ACVR1C: variants seen among roughly 807,000 people sequenced by gnomAD.
ACVR1C encodes activin receptor type-1C.
Under a neutral mutation model 57.9 loss-of-function variants are expected in ACVR1C, and 23 were observed. The observed-to-expected ratio is 0.40, with a 90% confidence interval of 0.29 to 0.56. The LOEUF is 0.56. Ranked by LOEUF, ACVR1C falls within the 20% of genes least tolerant of loss-of-function variation. ACVR1C has a pLI of 0.50. For missense variants in ACVR1C, 480 were observed against 607.9 expected, an observed-to-expected ratio of 0.79 and a Z score of 2.21; for synonymous variants, 214 against 215.3, an observed-to-expected ratio of 0.99 and a Z score of 0.05.
chr2:157,544,639 T>C, intron 4 of ACVR1C, 27 bp from the exon 5 acceptor site: 1 of 1,576,750 alleles, frequency 6.3e-7, no homozygotes, highest in Non-Finnish European at 8.7e-7. Flanking sequence ...ATTTTGTTGT[T>C]GTAAATACAT....
intron 1 of ACVR1C, among the ~76,000 whole-genome samples, chr2:157,602,503 GT>G (rs1558993798): frequency 6.6e-6 from 1 of 152,040 alleles, no homozygotes; most frequent in African/African-American, 2.4e-5. Flanking sequence ...AATCTGAAAC[GT>G]TTATCTCAAG....
intron 2 of ACVR1C, among the ~76,000 whole-genome samples, chr2:157,566,645 T>G (rs1353827228): frequency 6.6e-6 from 1 of 151,776 alleles, no homozygotes; most frequent in Non-Finnish European, 1.5e-5. Context: ...ATATTGCGCT[T>G]TTCAGACCGG....
chr2:157,568,692 G>A (rs1274578998), intron 2 of ACVR1C, among the ~76,000 whole-genome samples: 1 of 41,752 alleles, frequency 2.4e-5, no homozygotes, highest in East Asian at 6.0e-4. Flanking sequence ...CCCAATACAG[G>A]AGCACCCAGA....
chr2:157,596,737 T>C (rs1041325337), intron 1 of ACVR1C, among the ~76,000 whole-genome samples: 3 of 152,234 alleles, frequency 2.0e-5, no homozygotes, highest in Non-Finnish European at 4.4e-5. Flanking sequence ...CAGTAGTAAA[T>C]GAATTACTTT....
At chr2:157,567,305 G>A (rs1285894140) in intron 2 of ACVR1C, among the ~76,000 whole-genome samples, 2 of 107,032 alleles carry the variant, frequency 1.9e-5, no homozygotes, top group East Asian at 4.5e-4. Flanking sequence ...AAAACACCGA[G>A]CACCTCTCCT....
intron 1 of ACVR1C, among the ~76,000 whole-genome samples, chr2:157,616,262 A>T (rs1682647896): frequency 6.6e-6 from 1 of 152,154 alleles, no homozygotes; most frequent in African/African-American, 2.4e-5. Flanking sequence ...GGCTTTAAAC[A>T]AGTATAAGTA....
rs1687255167 is a variant in ACVR1C at position 157,527,482 on chromosome 2, A to C, written c.*6436T>G. 2 of 152,208 alleles carry C rather than the reference A, an allele frequency of 1.3e-5. No individual in the cohort carries two copies. The highest frequency in any genetic ancestry group is 4.8e-5 in the African/African-American group (2 of 41,460). 9.4% of individuals were successfully genotyped at this position (152,208 alleles called of 1,614,324 possible). ...TCTTAGGTATAAGAAGAGTCACGCT[A>C]CCAAAAGAAAAGTATAATTAGTATT... On this transcript the variant is annotated 3_prime_UTR_variant, in exon 9 of 9. Transcript: ENST00000243349.
chr2:157,553,033 C>A (rs1687957782), intron 3 of ACVR1C, among the ~76,000 whole-genome samples: 1 of 152,194 alleles, frequency 6.6e-6, no homozygotes, highest in South Asian at 2.1e-4. Flanking sequence ...GTCCATTTTC[C>A]CCTCTTGCAG....
chr2:157,544,484 C>A lies in ACVR1C; in HGVS notation c.904G>T (p.Gly302Cys). 1 of 1,613,552 alleles carries A rather than the reference C, an allele frequency of 6.2e-7. No individual in the cohort carries two copies. The highest frequency in any genetic ancestry group is 8.5e-7 in the Non-Finnish European group (1 of 1,179,776). Residue 302 changes from glycine (G) to cysteine (C), a missense_variant, in exon 5 of 9, where the codon GGT becomes TGT. Coordinates refer to ENST00000243349, the MANE Select transcript of ACVR1C (RefSeq NM_145259.3). ...MIKLALSIAS[G>C]LAHLHMEIVG... Reference sequence around the variant, plus strand: ...ATCTCCATATGAAGGTGTGCCAGACCACTAGCAATTGAGAGCGCCAGCTTG... The same window carrying A: ...ATCTCCATATGAAGGTGTGCCAGACAACTAGCAATTGAGAGCGCCAGCTTG...
intron 2 of ACVR1C, among the ~76,000 whole-genome samples, chr2:157,572,302 C>T (rs1688530347): frequency 7.0e-6 from 1 of 142,054 alleles, no homozygotes; most frequent in East Asian, 2.0e-4. Context: ...ACCAGCATGG[C>T]ACATGTATAC....
chr2:157,566,667 G>A (rs1688391662), intron 2 of ACVR1C, among the ~76,000 whole-genome samples: 1 of 151,686 alleles, frequency 6.6e-6, no homozygotes, highest in Non-Finnish European at 1.5e-5. Flanking sequence ...TTAAGAAACG[G>A]CGCACCACGA....
chr2:157,562,291 C>T (rs6722980), intron 2 of ACVR1C, among the ~76,000 whole-genome samples: 45,357 of 135,392 alleles, frequency 0.34, 7,853 homozygotes, highest in Non-Finnish European at 0.41. Context: ...AAGACACCGT[C>T]TCAAAAAAAA....
chr2:157,578,221 G>A (rs897728531), intron 2 of ACVR1C, among the ~76,000 whole-genome samples: 1 of 152,056 alleles, frequency 6.6e-6, no homozygotes, highest in Admixed American at 6.6e-5. Flanking sequence ...ACATTTTTTG[G>A]ATTTGTTTTT....
chr2:157,597,677 C>G (rs957247633), intron 1 of ACVR1C: 22 of 546,440 alleles, frequency 4.0e-5, no homozygotes, highest in Non-Finnish European at 4.9e-5. Flanking sequence ...TAGCATTTCT[C>G]AAGCATTTTT....
chr2:157,538,029 T>C (rs1687529245), intron 8 of ACVR1C, among the ~76,000 whole-genome samples: 1 of 152,184 alleles, frequency 6.6e-6, no homozygotes, highest in Non-Finnish European at 1.5e-5. Context: ...ATGGTTGGAA[T>C]TGTAATATTC....
At chr2:157,572,972 G>A (rs77101210) in intron 2 of ACVR1C, among the ~76,000 whole-genome samples, 3 of 152,026 alleles carry the variant, frequency 2.0e-5, no homozygotes, top group African/African-American at 7.2e-5. Flanking sequence ...TTCCTGACTA[G>A]AGCAATGAAT....
chr2:157,619,816 A>G (rs1370632384), intron 1 of ACVR1C, among the ~76,000 whole-genome samples: 4 of 152,070 alleles, frequency 2.6e-5, no homozygotes, highest in Non-Finnish European at 5.9e-5. Flanking sequence ...ATTTGCAAGA[A>G]GTCAATAAAA....
At chr2:157,618,944 A>C (rs1682708164) in intron 1 of ACVR1C, among the ~76,000 whole-genome samples, 1 of 151,922 alleles carries the variant, frequency 6.6e-6, no homozygotes, top group Non-Finnish European at 1.5e-5. Context: ...TAAATCCACA[A>C]GTAAATTAGA....
At chr2:157,543,096 T>G (rs115589463) in intron 5 of ACVR1C, among the ~76,000 whole-genome samples, 54 of 152,370 alleles carry the variant, frequency 3.5e-4, no homozygotes, top group Non-Finnish European at 5.1e-4. Context: ...ATGCCTCTAT[T>G]GCTTAGAGCA....
Sources: gnomAD v4.1 joint callset for allele counts (sites outside exome capture counted in the v4.1 genomes callset) on GRCh38, gnomAD v4.1.1 for gene constraint, MANE v1.5 for transcripts, NCBI Gene and HGNC (gene_info 2026-07-23, HGNC 2026-07-21) for gene names.